DENND2B: variants seen among roughly 807,000 people sequenced by gnomAD.
DENND2B encodes the protein DENN domain-containing protein 2B.
DENND2B carries 32 observed loss-of-function variants against 116.0 expected under a neutral mutation model. The ratio of observed to expected loss-of-function variants is 0.28; its 90% CI spans 0.21 to 0.37. The LOEUF is 0.37. Ranked by LOEUF, DENND2B falls within the 10% of genes least tolerant of loss-of-function variation. The pLI, the probability that DENND2B is intolerant of heterozygous loss-of-function variation, is 1.00. For synonymous variants in DENND2B, 588 were observed against 583.9 expected (o/e 1.01, Z -0.10); for missense variants, 1,276 against 1,477.7 (o/e 0.86, Z 2.24).
upstream of DENND2B, among the ~76,000 whole-genome samples, chr11:8,812,536 A>T (rs1200545289): frequency 6.6e-6 from 1 of 152,094 alleles, no homozygotes; most frequent in Non-Finnish European, 1.5e-5. Flanking sequence ...GCCCCAGGTC[A>T]TGGAACCAGG....
intron 3 of DENND2B, 135 bp downstream of exon 3, chr11:8,729,815 C>G (rs1195848998): frequency 4.2e-6 from 5 of 1,203,658 alleles, no homozygotes; most frequent in Non-Finnish European, 5.8e-6. Context: ...ACAACTACCA[C>G]CTAACAATTA....
chr11:8,773,766 A>G (rs1417381999), intron 1 of DENND2B, among the ~76,000 whole-genome samples: 4 of 152,132 alleles, frequency 2.6e-5, no homozygotes, highest in Admixed American at 1.3e-4. Flanking sequence ...CCCACCCCCA[A>G]TGAATTCTCA....
intron 1 of DENND2B, chr11:8,774,410 A>T: frequency 1.2e-6 from 1 of 806,964 alleles, no homozygotes; most frequent in Non-Finnish European, 1.5e-6. Flanking sequence ...ATTAGAATCT[A>T]GTGTCACTGC....
At chr11:8,816,566 A>T (rs924755524) in intron 4 of DENND2B, among the ~76,000 whole-genome samples, 3 of 147,098 alleles carry the variant, frequency 2.0e-5, no homozygotes, top group Non-Finnish European at 3.0e-5. Flanking sequence ...AAAAAAAAAA[A>T]GGTGGGGGGA....
At chr11:8,875,071 C>T (rs1426182825), upstream of DENND2B, among the ~76,000 whole-genome samples, 2 of 152,116 alleles carry the variant, frequency 1.3e-5, no homozygotes, top group African/African-American at 4.8e-5. Flanking sequence ...TGCCAGTAAT[C>T]CCAGCACTTT....
intron 4 of DENND2B, among the ~76,000 whole-genome samples, chr11:8,836,032 G>A (rs1190049343): frequency 2.0e-5 from 3 of 151,906 alleles, no homozygotes; most frequent in African/African-American, 7.3e-5. Flanking sequence ...TGGAGTTAGG[G>A]CTTATGGAAT....
intron 1 of DENND2B, chr11:8,771,566 A>AGGGC (rs146752028): frequency 8.3e-6 from 1 of 120,310 alleles, no homozygotes; most frequent in Non-Finnish European, 1.8e-5. Context: ...AGAGAGAGAG[A>AGGGC]GCCTTCTTCC....
chr11:8,713,534 C>T (rs1314330571), intron 8 of DENND2B, among the ~76,000 whole-genome samples: 2 of 152,158 alleles, frequency 1.3e-5, no homozygotes, highest in East Asian at 1.9e-4. Flanking sequence ...CGCCCGCCAC[C>T]GTGCCTGGCT....
At chr11:8,715,154 G>A (rs989184117) in intron 6 of DENND2B, among the ~76,000 whole-genome samples, 4 of 152,222 alleles carry the variant, frequency 2.6e-5, no homozygotes, top group African/African-American at 9.6e-5. Flanking sequence ...TTGTTTGCAG[G>A]TTAAAAATAC....
At chr11:8,908,362 G>A (rs1371069367) in intron 1 of DENND2B, among the ~76,000 whole-genome samples, 1 of 152,174 alleles carries the variant, frequency 6.6e-6, no homozygotes, top group African/African-American at 2.4e-5. Flanking sequence ...GATGAGGTGT[G>A]GCTATGATAC....
Position 8,787,984 on chromosome 11 carries a change from T to G in DENND2B, c.-26+22533A>C, listed in dbSNP as rs372865252. Among the ~76,000 whole-genome samples the G allele has an allele frequency of 9.2e-5, 14 of 152,254 alleles. No individual in the cohort carries two copies. The East Asian group carries it at 2.7e-3, about 29-fold the overall frequency. On this transcript the variant is annotated intron_variant, in intron 1 of 19. Coordinates refer to ENST00000313726, the MANE Select transcript of DENND2B (RefSeq NM_213618.2). ...TCCCTGGTAGTTTAGAGACAAAGTTTGGAATATGATGTGCTCAGAAAAGGG... is the reference window on the plus strand; with the variant it reads ...TCCCTGGTAGTTTAGAGACAAAGTTGGGAATATGATGTGCTCAGAAAAGGG...
intron 2 of DENND2B, among the ~76,000 whole-genome samples, chr11:8,744,148 T>TTG (rs2050779857): frequency 1.3e-5 from 2 of 149,208 alleles, no homozygotes; most frequent in African/African-American, 2.5e-5. Flanking sequence ...TTTTTTTTTT[T>TTG]GGGGGACAGA....
At position 8,881,797 on chromosome 11, in the gene DENND2B, A is replaced by G. The variant is rs188432103; in HGVS notation, c.-255-688T>C. 2.5e-3 allele frequency among the ~76,000 whole-genome samples: 376 copies of G among 152,262 alleles called. 1 individual carries two copies. The highest frequency in any genetic ancestry group is 7.8e-3 in the African/African-American group (326 of 41,562). On this transcript the variant is annotated intron_variant, in intron 1 of 22. Transcript: ENST00000534127. ...CTCAAGTGACCGATCCACCCACCTC[A>G]GCCTCCCAAAGCGCTGGGATTACAG...
chr11:8,773,228 C>CT (rs2057184836), intron 1 of DENND2B, among the ~76,000 whole-genome samples: 1 of 152,130 alleles, frequency 6.6e-6, no homozygotes, highest in Non-Finnish European at 1.5e-5. Context: ...CACCAGCTAC[C>CT]TAGGGATATT....
chr11:8,733,532 G>A (rs2048458114), intron 2 of DENND2B, among the ~76,000 whole-genome samples: 1 of 152,152 alleles, frequency 6.6e-6, no homozygotes. Context: ...CTGGGAGATG[G>A]CAGGCACCTA....
upstream of DENND2B, among the ~76,000 whole-genome samples, chr11:8,813,860 G>C (rs1276056764): frequency 1.3e-5 from 2 of 152,182 alleles, no homozygotes; most frequent in African/African-American, 4.8e-5. Flanking sequence ...TGGAATCCCT[G>C]CTTGGGTAAT....
chr11:8,878,789 T>C (rs1473956961), intron 2 of DENND2B, among the ~76,000 whole-genome samples: 1 of 152,204 alleles, frequency 6.6e-6, no homozygotes, highest in Non-Finnish European at 1.5e-5. Context: ...GAAAACATTA[T>C]GCTAAGTGAA....
rs1043856230 is a variant in DENND2B, at chr11:8,806,709, G to A, written c.-26+3808C>T. ...GGTGTTTCTATCAGCACAATATTAC[G>A]TGGCATATTCCTCTAAGACAGATGC... On this transcript the variant is annotated intron_variant, in intron 1 of 19. Coordinates refer to ENST00000313726, the MANE Select transcript of DENND2B (RefSeq NM_213618.2). Among the ~76,000 whole-genome samples, 5 of 150,598 alleles carry A rather than the reference G, an allele frequency of 3.3e-5. No individual in the cohort carries two copies. In the South Asian group the frequency reaches 6.3e-4, roughly 19 times the overall value.
intron 1 of DENND2B, among the ~76,000 whole-genome samples, chr11:8,795,445 T>C (rs1037852193): frequency 2.0e-5 from 3 of 152,088 alleles, no homozygotes; most frequent in African/African-American, 7.2e-5. Flanking sequence ...AAAATGCAAA[T>C]TTTTACTAAA....
Sources: allele counts gnomAD v4.1 joint callset (sites outside exome capture counted in the v4.1 genomes callset), GRCh38; gene constraint gnomAD v4.1.1; transcripts MANE v1.5; gene names NCBI Gene and HGNC (gene_info 2026-07-23, HGNC 2026-07-21).